The following RAB31 variants were observed in gnomAD, a reference collection of about 807,000 sequenced individuals.
RAB31 encodes the protein ras-related protein Rab-31.
RAB31 carries 21 observed loss-of-function variants against 25.6 expected under a neutral mutation model. That is an observed-to-expected ratio of 0.82 (90% CI 0.58 to 1.18). The LOEUF is 1.18. Among genes scored for constraint, RAB31 ranks in the 50% most tolerant of loss-of-function variants. The probability of loss-of-function intolerance (pLI) is 0.00; values close to 1 mark genes in which losing one functional copy is unlikely to be tolerated. For missense variants in RAB31, 196 were observed against 250.1 expected, an observed-to-expected ratio of 0.78 and a Z score of 1.46; for synonymous variants, 87 against 84.0, an observed-to-expected ratio of 1.04 and a Z score of -0.20.
chr18:9,791,140 A>G (rs1184178351), intron 2 of RAB31, among the ~76,000 whole-genome samples: 3 of 152,190 alleles, frequency 2.0e-5, no homozygotes, highest in Non-Finnish European at 4.4e-5. Context: ...CATTTATGCA[A>G]GCAGGTTGGG....
At chr18:9,808,118 C>T (rs1446830664) in intron 3 of RAB31, among the ~76,000 whole-genome samples, 2 of 152,156 alleles carry the variant, frequency 1.3e-5, no homozygotes, top group African/African-American at 4.8e-5. Context: ...CATCAGGTCT[C>T]TTCTAAAACC....
intron 1 of RAB31, among the ~76,000 whole-genome samples, chr18:9,716,477 A>G (rs757631332): frequency 2.6e-5 from 4 of 152,172 alleles, no homozygotes; most frequent in Non-Finnish European, 4.4e-5. Context: ...GGGAAAATAA[A>G]TCATATGGTC....
intron 1 of RAB31, among the ~76,000 whole-genome samples, chr18:9,754,360 A>G (rs1319749203): frequency 6.6e-6 from 1 of 152,000 alleles, no homozygotes. Flanking sequence ...GCTCACTGCA[A>G]CCTCTGCTTC....
Position 9,774,026 on chromosome 18 carries a change from T to TTG in RAB31, c.40-1235_40-1234dup, listed in dbSNP as rs149753944. Among the ~76,000 whole-genome samples the TTG allele has an allele frequency of 5.3e-3, 802 of 150,708 alleles. 5 individuals carry two copies. Among genetic ancestry groups the TTG allele is most frequent in the Middle Eastern group, 0.017 (5 of 292 alleles). ...TCTTTTAAAATAACATCCTGCTGTT[T>TTG]TGTGTGTGTGTGTGTGTGGAGGGGA... On this transcript the variant is annotated intron_variant, in intron 1 of 6. Coordinates refer to ENST00000578921, the MANE Select transcript of RAB31 (RefSeq NM_006868.4).
chr18:9,809,807 G>A (rs1286432035), intron 3 of RAB31, among the ~76,000 whole-genome samples: 1 of 152,194 alleles, frequency 6.6e-6, no homozygotes, highest in Admixed American at 6.5e-5. Context: ...TCCCTTAAGA[G>A]GTGGAATTGT....
chr18:9,778,163 A>G (rs2068383127), intron 2 of RAB31, among the ~76,000 whole-genome samples: 1 of 152,190 alleles, frequency 6.6e-6, no homozygotes, highest in African/African-American at 2.4e-5. Flanking sequence ...GGCATCGTAA[A>G]TAGGGTAGTT....
At chr18:9,762,447 A>C (rs1211403675) in intron 1 of RAB31, among the ~76,000 whole-genome samples, 1 of 152,116 alleles carries the variant, frequency 6.6e-6, no homozygotes, top group Non-Finnish European at 1.5e-5. Flanking sequence ...TGCCTGTATC[A>C]CTCATCAGTG....
At chr18:9,827,677 C>A (rs1468884024) in intron 5 of RAB31, among the ~76,000 whole-genome samples, 1 of 152,110 alleles carries the variant, frequency 6.6e-6, no homozygotes, top group South Asian at 2.1e-4. Flanking sequence ...AGAGGTCATA[C>A]ACCAAGACAA....
At chr18:9,791,953 ACC>A (rs35002218) in intron 2 of RAB31, among the ~76,000 whole-genome samples, 199 bp from the exon 3 acceptor site, 8,242 of 143,042 alleles carry the variant, frequency 0.058, 583 homozygotes, top group East Asian at 0.35. Context: ...TTGTTTCAAA[ACC>A]CCCAGTTGAA....
At chr18:9,757,165 G>A (rs889494159) in intron 1 of RAB31, among the ~76,000 whole-genome samples, 2 of 152,210 alleles carry the variant, frequency 1.3e-5, no homozygotes, top group Non-Finnish European at 2.9e-5. Flanking sequence ...ACCAGTGTGG[G>A]TGGCTGGGGA....
intron 1 of RAB31, among the ~76,000 whole-genome samples, chr18:9,760,619 G>A (rs1481841687): frequency 2.6e-5 from 4 of 152,150 alleles, no homozygotes; most frequent in Non-Finnish European, 5.9e-5. Flanking sequence ...AGTGAGCTCC[G>A]GGAGGTGTTC....
rs2068795930 is a variant in RAB31, at chr18:9,852,820, A to G, written c.491-6408A>G. 2.6e-5 allele frequency among the ~76,000 whole-genome samples: 4 copies of G among 152,230 alleles called. No individual in the cohort carries two copies. The South Asian group carries it at 8.3e-4, about 31-fold the overall frequency. On this transcript the variant is annotated intron_variant, in intron 6 of 6. Coordinates refer to ENST00000578921, the MANE Select transcript of RAB31 (RefSeq NM_006868.4). ...GATTAGAATGCCAAACTGTCTTCCA[A>G]GTGGTTTTACTACAGTATGTTACCA...
At chr18:9,775,157 C>T (rs2068365331) in intron 1 of RAB31, 121 bp from the exon 2 acceptor site, 1 of 1,505,426 alleles carries the variant, frequency 6.6e-7, no homozygotes, top group Admixed American at 2.0e-5. Context: ...CACTCCCTCT[C>T]CCAGTCTCAT....
intron 5 of RAB31, among the ~76,000 whole-genome samples, chr18:9,838,086 C>G (rs77972487): frequency 6.6e-6 from 1 of 152,164 alleles, no homozygotes; most frequent in African/African-American, 2.4e-5. Flanking sequence ...ATGGTGTGCC[C>G]GGCATTATTC....
intron 1 of RAB31, among the ~76,000 whole-genome samples, chr18:9,736,885 C>G (rs2145469213): frequency 6.6e-6 from 1 of 152,238 alleles, no homozygotes; most frequent in Admixed American, 6.5e-5. Flanking sequence ...ATTTGAAAAG[C>G]TTTTGGTGTG....
Position 9,766,873 on chromosome 18 carries a change from C to G in RAB31, c.40-8405C>G, listed in dbSNP as rs773865491. 6.6e-6 allele frequency among the ~76,000 whole-genome samples: 1 copy of G among 152,130 alleles called. No homozygotes were observed. Among genetic ancestry groups the G allele is most frequent in the Non-Finnish European group, 1.5e-5 (1 of 68,040 alleles). On this transcript the variant is annotated intron_variant, in intron 1 of 6. Transcript: ENST00000578921. This position sits in a 1 kb window ranked among gnomAD's most constrained non-coding sequence, Gnocchi z 4.3. ...TTGGGAGGGTGAGACAGGAGGATTT[C>G]TTGAGCCTGGAAGGAGTAGGTTGCA...
chr18:9,728,824 C>T (rs1030477618), intron 1 of RAB31, among the ~76,000 whole-genome samples: 1 of 152,138 alleles, frequency 6.6e-6, no homozygotes, highest in African/African-American at 2.4e-5. Context: ...CAGGCGTGAG[C>T]CACCCCACCC....
chr18:9,824,532 G>A (rs2068640577), intron 5 of RAB31, among the ~76,000 whole-genome samples: 1 of 152,144 alleles, frequency 6.6e-6, no homozygotes, highest in Admixed American at 6.5e-5. Flanking sequence ...ATTCTTGGAA[G>A]GAGCTCTGCC....
chr18:9,860,575 A>C lies in RAB31; in HGVS notation c.*1250A>C, dbSNP rs2068841942. On this transcript the variant is annotated 3_prime_UTR_variant, in exon 7 of 7. Coordinates refer to ENST00000578921, the MANE Select transcript of RAB31 (RefSeq NM_006868.4). ...AGAACTGATTCCTACTGAAAATTCA[A>C]ATTCTATTACCATTCTAACTTTCAT... 1 of 152,226 alleles carries C rather than the reference A, an allele frequency of 6.6e-6. No individual in the cohort carries two copies. The highest frequency in any genetic ancestry group is 2.4e-5 in the African/African-American group (1 of 41,452). 9.4% of individuals were successfully genotyped at this position (152,226 alleles called of 1,614,324 possible).
Sources: gnomAD v4.1 joint callset for allele counts (sites outside exome capture counted in the v4.1 genomes callset) on GRCh38, gnomAD v4.1.1 for gene constraint, Gnocchi (gnomAD v3.1) non-coding constraint, MANE v1.5 for transcripts, NCBI Gene and HGNC (gene_info 2026-07-23, HGNC 2026-07-21) for gene names.